ARHGAP5: variants seen among roughly 807,000 people sequenced by gnomAD.
ARHGAP5 encodes the protein Rho GTPase activating protein 5, also known as rho GTPase-activating protein 5.
In ARHGAP5, 23 loss-of-function variants were observed where a neutral mutation model predicts 116.6. The ratio of observed to expected loss-of-function variants is 0.20; its 90% CI spans 0.14 to 0.28. ARHGAP5 has a LOEUF of 0.28. ARHGAP5 is among the 10% of genes least tolerant of loss of function. The pLI, the probability that ARHGAP5 is intolerant of heterozygous loss-of-function variation, is 1.00. For missense variants in ARHGAP5, 1,405 were observed against 1,774.8 expected (o/e 0.79, Z 3.74); for synonymous variants, 574 against 602.0 (o/e 0.95, Z 0.68).
chr14:32,093,840 C>T lies in ARHGAP5; in HGVS notation c.3171C>T (p.Asn1057=). 6.2e-7 allele frequency: 1 copy of T among 1,613,658 alleles called. No homozygotes were observed. Among genetic ancestry groups the T allele is most frequent in the Non-Finnish European group, 8.5e-7 (1 of 1,179,922 alleles). Reference sequence around the variant, plus strand: ...CAAATGTGAAAAAACTCGATCCAAACCTTTTAAAAACAATTGAAGCTGGTA... The same window carrying T: ...CAAATGTGAAAAAACTCGATCCAAATCTTTTAAAAACAATTGAAGCTGGTA... ...PKTNVKKLDP[N]LLKTIEAGIG... The change falls in exon 2 of 7, where the codon AAC becomes AAT. Residue 1057 remains asparagine (N), a synonymous_variant. Coordinates refer to ENST00000345122, the MANE Select transcript of ARHGAP5 (RefSeq NM_001030055.2).
chr14:32,115,517 T>G (rs751182019), intron 2 of ARHGAP5, among the ~76,000 whole-genome samples: 2 of 149,540 alleles, frequency 1.3e-5, no homozygotes, highest in African/African-American at 2.5e-5. Flanking sequence ...TACAAAAAAA[T>G]TAGCCGGGCG....
Position 32,157,624 on chromosome 14 carries a change from T to C in ARHGAP5, c.*2676T>C, listed in dbSNP as rs1173105512. 2 of 152,094 alleles carry C rather than the reference T, an allele frequency of 1.3e-5. No individual in the cohort carries two copies. Among genetic ancestry groups the C allele is most frequent in the Admixed American group, 6.6e-5 (1 of 15,258 alleles). The allele number at this position is 152,094 out of a possible 1,614,324, so 9.4% of individuals were successfully genotyped here. A position where few individuals can be genotyped will look rare whatever the true frequency, so the allele number is the denominator to read the frequency against. On this transcript the variant is annotated 3_prime_UTR_variant, in exon 7 of 7. Coordinates refer to ENST00000345122, the MANE Select transcript of ARHGAP5 (RefSeq NM_001030055.2). ...TCAAATTCTATTCAACAGACACTTA[T>C]TAGGATATACAACTAATTTAAGAAT...
intron 3 of ARHGAP5, among the ~76,000 whole-genome samples, chr14:32,145,171 T>A (rs1448099010): frequency 6.6e-6 from 1 of 152,172 alleles, no homozygotes; most frequent in Non-Finnish European, 1.5e-5. Flanking sequence ...CTTTCACTGA[T>A]AATATAGCAT....
intron 3 of ARHGAP5, among the ~76,000 whole-genome samples, chr14:32,119,924 C>T (rs1312705023): frequency 6.6e-6 from 1 of 152,002 alleles, no homozygotes; most frequent in Non-Finnish European, 1.5e-5. Context: ...GGATTTTAGT[C>T]TGTAGTTTTC....
chr14:32,084,207 T>C (rs1298921118), intron 1 of ARHGAP5, among the ~76,000 whole-genome samples: 1 of 152,160 alleles, frequency 6.6e-6, no homozygotes, highest in Non-Finnish European at 1.5e-5. Context: ...TTCAAACAAA[T>C]TGAAATATCA....
intron 3 of ARHGAP5, among the ~76,000 whole-genome samples, chr14:32,135,384 C>A (rs1880736007): frequency 6.6e-6 from 1 of 152,202 alleles, no homozygotes; most frequent in African/African-American, 2.4e-5. Flanking sequence ...TCTAGACTCA[C>A]CTGGTCTGTT....
chr14:32,095,774 T>C (rs1878498164), intron 2 of ARHGAP5, among the ~76,000 whole-genome samples: 2 of 152,222 alleles, frequency 1.3e-5, no homozygotes, highest in Non-Finnish European at 2.9e-5. Flanking sequence ...CATAACATGC[T>C]ACTCTCTTGC....
chr14:32,127,262 G>T (rs1880211016), intron 3 of ARHGAP5, among the ~76,000 whole-genome samples: 1 of 151,950 alleles, frequency 6.6e-6, no homozygotes, highest in Non-Finnish European at 1.5e-5. Flanking sequence ...GTGGAGAGAA[G>T]GTCAGCAGAT....
chr14:32,153,512 C>T (rs1343440191), intron 6 of ARHGAP5, among the ~76,000 whole-genome samples: 37 of 116,194 alleles, frequency 3.2e-4, no homozygotes, highest in South Asian at 1.4e-3. Flanking sequence ...CTTGCTCTGT[C>T]GCCAGGCTGG....
intron 2 of ARHGAP5, among the ~76,000 whole-genome samples, chr14:32,103,380 T>TTGGAAAGATTATGTCAG (rs1439356478): frequency 6.6e-6 from 1 of 152,232 alleles, no homozygotes; most frequent in African/African-American, 2.4e-5. Flanking sequence ...TAAGACTTAA[T>TTGGAAAGATTATGTCAG]TGGAAAGATT....
intron 3 of ARHGAP5, among the ~76,000 whole-genome samples, chr14:32,141,868 G>A (rs116595299): frequency 0.012 from 1,780 of 152,086 alleles, 31 homozygotes; most frequent in African/African-American, 0.039. Flanking sequence ...TCTGAAGATC[G>A]AATAGGCTGT....
chr14:32,081,280 G>A (rs949848647), intron 1 of ARHGAP5, among the ~76,000 whole-genome samples: 1 of 152,142 alleles, frequency 6.6e-6, no homozygotes, highest in Admixed American at 6.5e-5. Context: ...AAGTTATTTA[G>A]CTAAAGGAAA....
In ARHGAP5 at chr14:32,094,122, A is replaced by G. The variant is rs1415676168; in HGVS notation, c.3453A>G (p.Ser1151=). ...TSKSHGERRP[S]KYKYKSKTLF... ...AAAGTCATGGGGAACGGAGGCCTTC[A>G]AAATACAAATATAAATCTAAAACCT... The change falls in exon 2 of 7, where the codon TCA becomes TCG. Residue 1151 remains serine (S), a synonymous_variant. Coordinates refer to ENST00000345122, the MANE Select transcript of ARHGAP5 (RefSeq NM_001030055.2). 5 of 1,613,822 alleles carry G rather than the reference A, an allele frequency of 3.1e-6. No individual in the cohort carries two copies. The African/African-American group carries it at 6.7e-5, about 22-fold the overall frequency.
chr14:32,088,066 A>G (rs1446496125), intron 1 of ARHGAP5, among the ~76,000 whole-genome samples: 1 of 151,976 alleles, frequency 6.6e-6, no homozygotes, highest in Non-Finnish European at 1.5e-5. Context: ...CATATAGAGT[A>G]TATCTCAGTA....
intron 3 of ARHGAP5, among the ~76,000 whole-genome samples, chr14:32,144,747 G>A (rs151052111): frequency 6.6e-6 from 1 of 152,152 alleles, no homozygotes; most frequent in Non-Finnish European, 1.5e-5. Context: ...GCTTCCCAAA[G>A]TGCTGGGATT....
At chr14:32,137,523 C>A (rs1292055167) in intron 3 of ARHGAP5, among the ~76,000 whole-genome samples, 1 of 151,772 alleles carries the variant, frequency 6.6e-6, no homozygotes, top group East Asian at 1.9e-4. Context: ...GTTTTTTCTT[C>A]TTTTTCAAGA....
intron 2 of ARHGAP5, among the ~76,000 whole-genome samples, chr14:32,100,710 G>A (rs1056905755): frequency 1.3e-5 from 2 of 152,154 alleles, no homozygotes; most frequent in Middle Eastern, 3.2e-3. Context: ...CAGATGCTGT[G>A]GGACAACTGT....
intron 3 of ARHGAP5, among the ~76,000 whole-genome samples, chr14:32,128,077 C>T (rs1005747906): frequency 6.6e-6 from 1 of 151,486 alleles, no homozygotes; most frequent in African/African-American, 2.4e-5. Context: ...CTCCTCACAT[C>T]CCAGACAGGG....
Position 32,093,048 on chromosome 14 carries a change from T to A in ARHGAP5, c.2379T>A (p.Asp793Glu), listed in dbSNP as rs201765085. 48 of 1,614,062 alleles carry A rather than the reference T, an allele frequency of 3.0e-5. 1 individual carries two copies. The East Asian group carries it at 1.1e-3, about 36-fold the overall frequency. Residue 793 changes from aspartate (D) to glutamate (E), a missense_variant, in exon 2 of 7, where the codon GAT (aspartate) becomes GAA (glutamate). Physicochemically the swap from Asp to Glu is conservative, Grantham distance 45 (BLOSUM62 2). Coordinates refer to ENST00000345122, the MANE Select transcript of ARHGAP5 (RefSeq NM_001030055.2). ...TGTGTGGAGATCCATTTAGTGTGGATCTTATTCTTTCACCCTTCCTTGATT... is the reference window on the plus strand; with the variant it reads ...TGTGTGGAGATCCATTTAGTGTGGAACTTATTCTTTCACCCTTCCTTGATT... The part of the protein sequence containing the change: ...CAMCGDPFSV[D>E]LILSPFLDSH...
Sources: allele counts gnomAD v4.1 joint callset (sites outside exome capture counted in the v4.1 genomes callset), GRCh38; gene constraint gnomAD v4.1.1; transcripts MANE v1.5; gene names NCBI Gene and HGNC (gene_info 2026-07-23, HGNC 2026-07-21).